Variants in NAALADL2 observed in about 807,000 individuals in gnomAD.
NAALADL2 encodes the protein inactive N-acetylated-alpha-linked acidic dipeptidase-like protein 2.
A neutral mutation model predicts 87.2 loss-of-function variants in NAALADL2; 76 were observed. The observed-to-expected ratio is 0.87, with a 90% CI of 0.72 to 1.05. NAALADL2 has a LOEUF of 1.05. Among genes scored for constraint, NAALADL2 ranks in the 50% least tolerant of loss-of-function variants. The pLI is 0.00. For synonymous variants in NAALADL2, 354 were observed against 331.0 expected, an observed-to-expected ratio of 1.07 and a Z score of -0.75; for missense variants, 1,089 against 945.8, an observed-to-expected ratio of 1.15 and a Z score of -1.99.
chr3:175,615,818 C>T (rs971723522), intron 10 of NAALADL2, among the ~76,000 whole-genome samples: 5 of 150,772 alleles, frequency 3.3e-5, no homozygotes, highest in African/African-American at 1.2e-4. Context: ...GATTGCACCA[C>T]TGCACTCCAG....
chr3:174,800,953 T>C (rs914200729), intron 3 of NAALADL2, among the ~76,000 whole-genome samples: 1 of 152,222 alleles, frequency 6.6e-6, no homozygotes, highest in East Asian at 1.9e-4. Context: ...TTGGAACAGC[T>C]GTATTTACCC....
At chr3:174,739,367 T>C (rs1374828002) in intron 3 of NAALADL2, among the ~76,000 whole-genome samples, 1 of 152,128 alleles carries the variant, frequency 6.6e-6, no homozygotes, top group Non-Finnish European at 1.5e-5. Flanking sequence ...AATTTATGTC[T>C]ACAAGAAAAT....
In NAALADL2 at chr3:175,810,479, CA is replaced by C. The variant is rs1197019790; in HGVS notation, c.*7277del. 7 of 151,966 alleles carry C rather than the reference CA, an allele frequency of 4.6e-5. No homozygotes were observed. Among genetic ancestry groups the C allele is most frequent in the African/African-American group, 7.2e-5 (3 of 41,404 alleles). The allele number at this position is 151,966 out of a possible 1,614,324, so 9.4% of individuals were successfully genotyped here. A position where few individuals can be genotyped will look rare whatever the true frequency, so the allele number is the denominator to read the frequency against. On this transcript the variant is annotated 3_prime_UTR_variant, in exon 14 of 14. Transcript: ENST00000454872. Reference sequence around the variant, plus strand: ...CAAACGTGTTCTGAATCATAATTTTCATGAGTTTGTACGTGAAATGTTAATG... The same window carrying C: ...CAAACGTGTTCTGAATCATAATTTTCTGAGTTTGTACGTGAAATGTTAATG...
At chr3:175,087,311 C>T (rs1278133139) in intron 1 of NAALADL2, among the ~76,000 whole-genome samples, 1 of 152,170 alleles carries the variant, frequency 6.6e-6, no homozygotes, top group Non-Finnish European at 1.5e-5. Context: ...CTGGCAGCTG[C>T]CCCTTCCGGG....
intron 6 of NAALADL2, among the ~76,000 whole-genome samples, chr3:175,457,470 C>A (rs928519727): frequency 6.6e-6 from 1 of 152,076 alleles, no homozygotes; most frequent in African/African-American, 2.4e-5. Context: ...TTTGTGTTCA[C>A]TGATACGTGT....
At chr3:175,031,420 G>T (rs1752786216) in intron 1 of NAALADL2, among the ~76,000 whole-genome samples, 1 of 151,976 alleles carries the variant, frequency 6.6e-6, no homozygotes, top group African/African-American at 2.4e-5. Flanking sequence ...GCCTTCGCTT[G>T]CATCCATGCT....
intron 2 of NAALADL2, among the ~76,000 whole-genome samples, chr3:175,154,440 C>G (rs1008050529): frequency 3.3e-5 from 5 of 152,002 alleles, no homozygotes; most frequent in African/African-American, 4.8e-5. Context: ...GATAGGTAAC[C>G]TTGAGAAATT....
intron 4 of NAALADL2, among the ~76,000 whole-genome samples, chr3:175,314,737 C>T (rs1055413816): frequency 8.6e-5 from 9 of 104,278 alleles, no homozygotes; most frequent in South Asian, 3.3e-4. Flanking sequence ...GATAAGGTAC[C>T]GCAACAAAAT....
At chr3:174,629,706 C>A (rs1338236434) in intron 2 of NAALADL2, among the ~76,000 whole-genome samples, 1 of 152,162 alleles carries the variant, frequency 6.6e-6, no homozygotes, top group African/African-American at 2.4e-5. Context: ...GCAGGGCCTG[C>A]CCTCATCTCT....
At chr3:174,794,535 T>TA (rs1214553163) in intron 3 of NAALADL2, among the ~76,000 whole-genome samples, 39 of 152,168 alleles carry the variant, frequency 2.6e-4, no homozygotes. Flanking sequence ...TCTCCAGAGT[T>TA]ATTGGATATT....
intron 2 of NAALADL2, among the ~76,000 whole-genome samples, chr3:174,607,934 A>T (rs1487402740): frequency 6.6e-6 from 1 of 152,110 alleles, no homozygotes; most frequent in African/African-American, 2.4e-5. Context: ...CTCCTCAGCA[A>T]ATGTAAAAGA....
At chr3:174,668,874 A>G (rs1726237850) in intron 2 of NAALADL2, among the ~76,000 whole-genome samples, 1 of 152,196 alleles carries the variant, frequency 6.6e-6, no homozygotes, top group South Asian at 2.1e-4. Context: ...TAGTGCCGCA[A>G]TAAACATGTG....
chr3:175,033,714 A>C (rs759243100), intron 1 of NAALADL2, among the ~76,000 whole-genome samples: 1 of 152,020 alleles, frequency 6.6e-6, no homozygotes, highest in African/African-American at 2.4e-5. Context: ...TCTAACCCCT[A>C]AACACTGGAA....
chr3:174,996,340 A>T (rs28373292), intron 1 of NAALADL2, among the ~76,000 whole-genome samples: 2 of 105,456 alleles, frequency 1.9e-5, no homozygotes, highest in African/African-American at 1.4e-4. Flanking sequence ...TGCTAAAAAT[A>T]AAAAAAATTA....
chr3:175,156,877 C>A lies in NAALADL2; in HGVS notation c.545+59586C>A, dbSNP rs2108814164. Among the ~76,000 whole-genome samples the A allele has an allele frequency of 2.0e-5, 3 of 152,036 alleles. No individual in the cohort carries two copies. The Middle Eastern group carries it at 0.01, about 517-fold the overall frequency. ...AATTAGCTAACCTCTTGTATCTCAC[C>A]TACCTGGGTTCAGTATAAAAGAGCT... On this transcript the variant is annotated intron_variant, in intron 2 of 13. Coordinates refer to ENST00000454872, the MANE Select transcript of NAALADL2 (RefSeq NM_207015.3).
intron 1 of NAALADL2, among the ~76,000 whole-genome samples, chr3:174,904,352 G>A (rs1732721352): frequency 6.6e-6 from 1 of 151,974 alleles, no homozygotes; most frequent in East Asian, 1.9e-4. Flanking sequence ...TATACGTTCT[G>A]TATATCTGCC....
intron 9 of NAALADL2, among the ~76,000 whole-genome samples, chr3:175,473,560 A>C (rs1582038065): frequency 6.6e-6 from 1 of 151,686 alleles, no homozygotes; most frequent in East Asian, 1.9e-4. Flanking sequence ...GAATGAATAT[A>C]AATAACTTAA....
intron 1 of NAALADL2, among the ~76,000 whole-genome samples, chr3:174,882,505 G>A (rs1430997024): frequency 6.9e-6 from 1 of 144,742 alleles, no homozygotes; most frequent in African/African-American, 2.8e-5. Context: ...ACATATATGT[G>A]TATATACATA....
intron 4 of NAALADL2, among the ~76,000 whole-genome samples, chr3:175,312,971 C>T (rs1467242502): frequency 6.6e-6 from 1 of 152,086 alleles, no homozygotes; most frequent in Non-Finnish European, 1.5e-5. Flanking sequence ...AGTAAAATAC[C>T]ATAGACTGGG....
Sources: gnomAD v4.1 joint callset for allele counts (sites outside exome capture counted in the v4.1 genomes callset) on GRCh38, gnomAD v4.1.1 for gene constraint, MANE v1.5 for transcripts, NCBI Gene and HGNC (gene_info 2026-07-23, HGNC 2026-07-21) for gene names.